Variants in RARS2 observed in about 807,000 individuals in gnomAD.
RARS2 encodes the protein probable arginine--tRNA ligase, mitochondrial.
A neutral mutation model predicts 88.5 loss-of-function variants in RARS2; 67 were observed. The observed-to-expected ratio is 0.76, with a 90% CI of 0.62 to 0.93. RARS2 has a LOEUF of 0.93. RARS2 is among the 40% of genes least tolerant of loss of function. RARS2 has a pLI of 0.00. For missense variants in RARS2, 664 were observed against 684.2 expected (o/e 0.97, Z 0.33); for synonymous variants, 239 against 230.3 (o/e 1.04, Z -0.34).
At chr6:87,520,278 A>T (rs1773415235) in intron 12 of RARS2, 22 bp from the exon 13 acceptor site, 1 of 1,519,548 alleles carries the variant, frequency 6.6e-7, no homozygotes, top group South Asian at 1.1e-5. Context: ...AATATATATA[A>T]AATAAAAGAA....
intron 7 of RARS2, among the ~76,000 whole-genome samples, chr6:87,543,891 A>C (rs1324760698): frequency 6.6e-6 from 1 of 152,236 alleles, no homozygotes; most frequent in South Asian, 2.1e-4. Flanking sequence ...AAAGATGCTC[A>C]GTGTTCCAAA....
At chr6:87,516,977 C>T (rs760542992) in intron 17 of RARS2, 97 bp from the exon 18 acceptor site, 43 of 1,542,386 alleles carry the variant, frequency 2.8e-5, no homozygotes, top group Non-Finnish European at 3.3e-5. Context: ...TGACTCGACA[C>T]GATTAAGAGT....
chr6:87,567,231 G>T (rs555610653), intron 2 of RARS2, among the ~76,000 whole-genome samples: 1 of 142,994 alleles, frequency 7.0e-6, no homozygotes, highest in Non-Finnish European at 1.5e-5. Flanking sequence ...CAGCTTGGGT[G>T]ACAGAGCAAG....
intron 17 of RARS2, among the ~76,000 whole-genome samples, chr6:87,517,963 A>T (rs1304859594): frequency 1.3e-5 from 2 of 152,128 alleles, no homozygotes; most frequent in African/African-American, 2.4e-5. Flanking sequence ...TATTCTGAAG[A>T]CCCAAAGACT....
intron 5 of RARS2, among the ~76,000 whole-genome samples, chr6:87,549,961 A>C (rs578013314): frequency 2.0e-5 from 3 of 152,230 alleles, no homozygotes; most frequent in South Asian, 4.1e-4. Flanking sequence ...AAAAAGATAA[A>C]TTAACTTGAA....
Position 87,569,507 on chromosome 6 carries a change from T to A in RARS2, c.110+10A>T, listed in dbSNP as rs370138364. The A allele has an allele frequency of 6.4e-7, 1 of 1,570,228 alleles. No individual in the cohort carries two copies. ...ATTTTATAGATTGTTACAAGTGTAT[T>A]ATACTTAACTCTTTTTGGGAAATTG... is the stretch of plus-strand genomic sequence containing the variant. On this transcript the variant is annotated intron_variant, in intron 2 of 19. Transcript: ENST00000369536.
chr6:87,584,579 C>A (rs6927826), intron 1 of RARS2: 1 of 332,302 alleles, frequency 3.0e-6, no homozygotes, highest in Non-Finnish European at 6.0e-6. Context: ...GAGTTAGTTA[C>A]ACAAATAGTG....
intron 6 of RARS2, among the ~76,000 whole-genome samples, chr6:87,546,170 G>C (rs1484561207): frequency 6.6e-6 from 1 of 152,194 alleles, no homozygotes; most frequent in Non-Finnish European, 1.5e-5. Context: ...CTAACAGCAT[G>C]TAATAATCTA....
At chr6:87,555,232 T>A (rs1381942271) in intron 5 of RARS2, among the ~76,000 whole-genome samples, 176 bp downstream of exon 5, 1 of 152,132 alleles carries the variant, frequency 6.6e-6, no homozygotes, top group African/African-American at 2.4e-5. Context: ...TCCAAAAATA[T>A]ATTTTTTATT....
chr6:87,557,016 T>C (rs1341579293), intron 4 of RARS2, among the ~76,000 whole-genome samples: 1 of 151,716 alleles, frequency 6.6e-6, no homozygotes, highest in Non-Finnish European at 1.5e-5. Flanking sequence ...ATTAAAGAGT[T>C]GGTTAAAATG....
In RARS2 at chr6:87,524,571, A is replaced by T; in HGVS notation, c.960T>A (p.Ser320=). The change falls in exon 11 of 20, where the codon TCT becomes TCA. Residue 320 remains serine, a synonymous_variant. Transcript: ENST00000369536. ...ICTVMRSDGT[S]LYATRDLAAA... ...AGGCTACAAACCTGGTTGCATAGAG[A>T]GAAGTCCCATCACTTCGCATTACAG... 6.2e-7 allele frequency: 1 copy of T among 1,610,864 alleles called. No individual in the cohort carries two copies. The highest frequency in any genetic ancestry group is 1.1e-5 in the South Asian group (1 of 91,022).
chr6:87,561,283 T>G (rs1787778707), intron 4 of RARS2, among the ~76,000 whole-genome samples: 3 of 152,182 alleles, frequency 2.0e-5, no homozygotes, highest in African/African-American at 7.2e-5. Flanking sequence ...TTGTTTTATG[T>G]GATTTTGTTC....
At chr6:87,526,062 A>T (rs540048751) in intron 10 of RARS2, among the ~76,000 whole-genome samples, 9 of 152,372 alleles carry the variant, frequency 5.9e-5, no homozygotes, top group Admixed American at 2.0e-4. Context: ...GGAAAAATCA[A>T]TATTTAAAAA....
chr6:87,581,418 GCCA>G (rs1773442359), intron 1 of RARS2, among the ~76,000 whole-genome samples: 1 of 152,052 alleles, frequency 6.6e-6, no homozygotes, highest in African/African-American at 2.4e-5. Flanking sequence ...CTGTAGGTTT[GCCA>G]CCAAGACCAG....
intron 8 of RARS2, among the ~76,000 whole-genome samples, chr6:87,541,496 T>C (rs1780942238): frequency 6.6e-6 from 1 of 152,034 alleles, no homozygotes; most frequent in South Asian, 2.1e-4. Flanking sequence ...TTTTCAATTA[T>C]GTTTTGGTTC....
intron 8 of RARS2, among the ~76,000 whole-genome samples, chr6:87,532,636 A>T (rs972909977): frequency 2.6e-5 from 4 of 152,210 alleles, no homozygotes; most frequent in African/African-American, 9.6e-5. Context: ...TTTACCCCAT[A>T]TATGCCTTTT....
At chr6:87,545,747 T>C (rs2128119379) in intron 6 of RARS2, 48 bp from the exon 7 acceptor site, 2 of 1,594,062 alleles carry the variant, frequency 1.3e-6, no homozygotes, top group East Asian at 2.2e-5. Flanking sequence ...TATCCATTTT[T>C]TGACATAAGA....
chr6:87,523,428 C>T (rs142320423), intron 11 of RARS2, among the ~76,000 whole-genome samples: 16 of 152,098 alleles, frequency 1.1e-4, no homozygotes, highest in Non-Finnish European at 2.2e-4. Flanking sequence ...CTATAAGAAA[C>T]CCATTAGAAG....
Position 87,514,512 on chromosome 6 carries a change from T to C in RARS2, c.1651-13A>G. 1 of 1,588,708 alleles carries C rather than the reference T, an allele frequency of 6.3e-7. No individual in the cohort carries two copies. Among genetic ancestry groups the C allele is most frequent in the Non-Finnish European group, 8.6e-7 (1 of 1,157,196 alleles). On this transcript the variant is annotated splice_polypyrimidine_tract_variant and intron_variant, in intron 19 of 19. Transcript: ENST00000369536. ...GATGAAGTCTGGCCTACAAAATAAATCAAAGAATGATTTAAAATATTCAGT... is the reference window on the plus strand; with the variant it reads ...GATGAAGTCTGGCCTACAAAATAAACCAAAGAATGATTTAAAATATTCAGT...
Sources: allele counts gnomAD v4.1 joint callset (sites outside exome capture counted in the v4.1 genomes callset), GRCh38; gene constraint gnomAD v4.1.1; transcripts MANE v1.5; gene names NCBI Gene and HGNC (gene_info 2026-07-23, HGNC 2026-07-21).